Variants in DNAH3 observed in about 807,000 individuals in gnomAD.
DNAH3 encodes axonemal beta dynein heavy chain 3.
In DNAH3, 332 loss-of-function variants were observed where a neutral mutation model predicts 432.5. The observed-to-expected ratio is 0.77, with a 90% CI of 0.70 to 0.84. The LOEUF (loss-of-function observed/expected upper bound fraction) is 0.84, where lower values mean the gene tolerates loss of function less well. Ranked by LOEUF, DNAH3 falls within the 40% of genes least tolerant of loss-of-function variation. DNAH3 has a pLI of 0.00. For synonymous variants in DNAH3, 1,956 were observed against 1,900.2 expected (o/e 1.03, Z -0.76); for missense variants, 4,861 against 5,114.0 (o/e 0.95, Z 1.51).
intron 34 of DNAH3, 33 bp downstream of exon 34, chr16:21,037,728 G>C: frequency 6.3e-7 from 1 of 1,585,416 alleles, no homozygotes; most frequent in Non-Finnish European, 8.7e-7. Flanking sequence ...ATTGAGCCTT[G>C]GTCCTCGGCC....
chr16:20,996,528 C>T (rs1045959634), intron 44 of DNAH3, among the ~76,000 whole-genome samples: 1 of 152,090 alleles, frequency 6.6e-6, no homozygotes, highest in Non-Finnish European at 1.5e-5. Context: ...GGTGCCATCT[C>T]GGCTCACTGC....
At chr16:21,134,123 T>C (rs2092607643) in intron 7 of DNAH3, 136 bp downstream of exon 8, 7 of 821,096 alleles carry the variant, frequency 8.5e-6, no homozygotes, top group Non-Finnish European at 1.1e-5. Flanking sequence ...TTCACATGCA[T>C]ATTTGGCCTA....
intron 1 of DNAH3, among the ~76,000 whole-genome samples, chr16:21,151,109 G>T (rs573762224): frequency 1.3e-5 from 2 of 152,136 alleles, no homozygotes; most frequent in South Asian, 4.1e-4. Context: ...ATCTACAATT[G>T]GACAGGTCAT....
At chr16:21,079,256 G>A (rs904095407) in intron 20 of DNAH3, among the ~76,000 whole-genome samples, 11 of 152,164 alleles carry the variant, frequency 7.2e-5, no homozygotes, top group Non-Finnish European at 1.5e-4. Flanking sequence ...ATAATCTGAA[G>A]TTTATTTCCT....
At chr16:20,982,362 G>T (rs1464945206) in intron 49 of DNAH3, among the ~76,000 whole-genome samples, 1 of 152,164 alleles carries the variant, frequency 6.6e-6, no homozygotes, top group East Asian at 1.9e-4. Flanking sequence ...CTCCAGCCTG[G>T]GGGATAGAGC....
intron 52 of DNAH3, 43 bp from the exon 53 acceptor site, chr16:20,965,468 G>A (rs1041429810): frequency 2.1e-6 from 3 of 1,448,062 alleles, no homozygotes; most frequent in African/African-American, 2.8e-5. Flanking sequence ...AAGACATTCT[G>A]GCCAAGACTT....
At chr16:21,004,344 T>C (rs1402202764) in intron 41 of DNAH3, among the ~76,000 whole-genome samples, 1 of 152,120 alleles carries the variant, frequency 6.6e-6, no homozygotes, top group Non-Finnish European at 1.5e-5. Flanking sequence ...ATTTTTCCTT[T>C]AGTCTCTCTT....
chr16:20,980,379 G>C (rs1336154886), intron 49 of DNAH3, among the ~76,000 whole-genome samples: 1 of 122,970 alleles, frequency 8.1e-6, no homozygotes, highest in Non-Finnish European at 1.8e-5. Flanking sequence ...TATATGTGGG[G>C]GGGGAGAGAG....
chr16:21,017,001 G>A (rs1049969914), intron 41 of DNAH3, among the ~76,000 whole-genome samples: 2 of 152,120 alleles, frequency 1.3e-5, no homozygotes, highest in Non-Finnish European at 2.9e-5. Context: ...GGGTAGGGGT[G>A]GAGAAGGGGC....
chr16:20,963,700 A>C, exon 53 of DNAH3: 2 of 1,614,000 alleles, frequency 1.2e-6, no homozygotes, highest in Non-Finnish European at 1.7e-6. Context: ...AGTGAGAAGG[A>C]AGTACCACAC....
intron 24 of DNAH3, among the ~76,000 whole-genome samples, chr16:21,065,302 A>G (rs574418203): frequency 3.3e-5 from 5 of 152,044 alleles, no homozygotes; most frequent in Non-Finnish European, 7.4e-5. Context: ...CTGGGATTAC[A>G]GGCACCCACC....
At chr16:20,946,093 G>T (rs1430211566) in intron 57 of DNAH3, among the ~76,000 whole-genome samples, 1 of 152,198 alleles carries the variant, frequency 6.6e-6, no homozygotes, top group Non-Finnish European at 1.5e-5. Flanking sequence ...TTCAGGCCAT[G>T]ACGGGAAGTG....
intron 43 of DNAH3, among the ~76,000 whole-genome samples, chr16:20,999,741 G>A (rs926640155): frequency 9.9e-5 from 15 of 152,132 alleles, no homozygotes; most frequent in South Asian, 2.1e-4. Flanking sequence ...GTGAGGAAAC[G>A]CTTTGTAAAT....
chr16:20,951,687 G>A (rs34513543), intron 56 of DNAH3, among the ~76,000 whole-genome samples: 11,023 of 149,644 alleles, frequency 0.074, 542 homozygotes, highest in East Asian at 0.17. Context: ...CCATCGCCTC[G>A]GTCTCCCAAA....
chr16:20,948,243 C>T (rs1482032412), intron 57 of DNAH3, among the ~76,000 whole-genome samples: 5 of 152,190 alleles, frequency 3.3e-5, no homozygotes. Flanking sequence ...CTCTCTCCTT[C>T]CTCCACCCAG....
intron 24 of DNAH3, among the ~76,000 whole-genome samples, chr16:21,063,308 C>A (rs1055228540): frequency 1.3e-5 from 2 of 151,954 alleles, no homozygotes; most frequent in African/African-American, 4.8e-5. Context: ...TTCTAATGTG[C>A]AGTCAGTGTT....
intron 52 of DNAH3, among the ~76,000 whole-genome samples, chr16:20,969,269 TCTGTGTGCATGC>T (rs1447117664): frequency 1.3e-5 from 2 of 149,206 alleles, no homozygotes; most frequent in Admixed American, 6.6e-5. Context: ...TGTGCATGTC[TCTGTGTGCATGC>T]ATGTGTGTGC....
exon 62 of DNAH3, chr16:20,933,313 G>A (rs781478795): frequency 1.2e-6 from 2 of 1,614,206 alleles, no homozygotes; most frequent in Non-Finnish European, 1.7e-6. Flanking sequence ...GACACACATA[G>A]ATGTCCTGAT....
intron 57 of DNAH3, among the ~76,000 whole-genome samples, chr16:20,946,818 CCTTTT>C (rs1567506641): frequency 8.5e-6 from 1 of 118,256 alleles, no homozygotes; most frequent in Non-Finnish European, 1.8e-5. Context: ...GATTGTGAGT[CCTTTT>C]TTTTTTTTTT....
Sources: gnomAD v4.1 joint callset for allele counts (sites outside exome capture counted in the v4.1 genomes callset) on GRCh38, gnomAD v4.1.1 for gene constraint, MANE v1.5 for transcripts, NCBI Gene and HGNC (gene_info 2026-07-23, HGNC 2026-07-21) for gene names.